SLC22A16: variants seen among roughly 807,000 people sequenced by gnomAD.
The protein encoded by SLC22A16 is WUGSC:RG331P03.1.
Under a neutral mutation model 52.9 loss-of-function variants are expected in SLC22A16, and 53 were observed. That is an observed-to-expected ratio of 1.00 (90% CI 0.80 to 1.26). The LOEUF (loss-of-function observed/expected upper bound fraction) is 1.26. Among genes scored for constraint, SLC22A16 ranks in the 50% most tolerant of loss-of-function variants. The probability of loss-of-function intolerance (pLI) is 0.00; values close to 1 mark genes in which losing one functional copy is unlikely to be tolerated. For missense variants in SLC22A16, 726 were observed against 704.0 expected, an observed-to-expected ratio of 1.03 and a Z score of -0.35; for synonymous variants, 291 against 268.8, an observed-to-expected ratio of 1.08 and a Z score of -0.81.
intron 6 of SLC22A16, among the ~76,000 whole-genome samples, chr6:110,431,995 T>A (rs760470689): frequency 2.6e-5 from 4 of 152,160 alleles, no homozygotes; most frequent in Non-Finnish European, 5.9e-5. Context: ...TATACCTGTG[T>A]ACTGTTCTAT....
At chr6:110,435,263 C>A (rs1025860648) in intron 6 of SLC22A16, among the ~76,000 whole-genome samples, 2 of 152,088 alleles carry the variant, frequency 1.3e-5, no homozygotes, top group African/African-American at 4.8e-5. Flanking sequence ...TAAAATGAGG[C>A]TGTTAGGGTG....
chr6:110,433,386 C>T (rs754054059), intron 6 of SLC22A16, among the ~76,000 whole-genome samples: 1 of 152,232 alleles, frequency 6.6e-6, no homozygotes, highest in Non-Finnish European at 1.5e-5. Context: ...ACAGGGCTGC[C>T]TGCCCTAGCA....
rs1412937668 is a variant in SLC22A16, at chr6:110,442,556, T to A, written c.871A>T (p.Thr291Ser). 1 of 1,614,046 alleles carries A rather than the reference T, an allele frequency of 6.2e-7. No individual in the cohort carries two copies. Among genetic ancestry groups the A allele is most frequent in the Admixed American group, 1.7e-5 (1 of 59,998 alleles). ...CCCTCTGAGAGAAGCCAAAAAGGTG[T>A]CTCTGGGAGCACCCAACAGCACAGG... ...FILCCWVLPE[T>S]PFWLLSEGRY... The change falls in exon 4 of 8, where the codon ACA becomes TCA. Residue 291 changes from threonine (T) to serine (S), a missense_variant. Physicochemically the swap from Thr to Ser is moderately conservative, Grantham distance 58. Transcript: ENST00000368919.
At chr6:110,440,752 G>A (rs1774933434) in intron 4 of SLC22A16, among the ~76,000 whole-genome samples, 1 of 152,122 alleles carries the variant, frequency 6.6e-6, no homozygotes, top group Non-Finnish European at 1.5e-5. Flanking sequence ...ACTCCAACCT[G>A]GGCAACAGAG....
In SLC22A16 at chr6:110,424,936, A is replaced by T. The variant is rs1171798538; in HGVS notation, c.1671T>A (p.Thr557=). 6.2e-7 allele frequency: 1 copy of T among 1,614,086 alleles called. No homozygotes were observed. The highest frequency in any genetic ancestry group is 8.5e-7 in the Non-Finnish European group (1 of 1,180,018). ...ESKSSKLLLT[T]NNSGLEKTEA... ...CCGTTTTTTCCAGCCCACTATTATT[A>T]GTTGTGAGAAGTAATTTGCTTGACT... Residue 557 remains threonine, a synonymous_variant, in exon 8 of 8, where the codon ACT becomes ACA. Coordinates refer to ENST00000368919, the MANE Select transcript of SLC22A16 (RefSeq NM_033125.4).
At chr6:110,450,599 T>A in intron 2 of SLC22A16, among the ~76,000 whole-genome samples, 2 of 110,452 alleles carry the variant, frequency 1.8e-5, no homozygotes, top group Non-Finnish European at 3.3e-5. Context: ...GCAACAGAGC[T>A]AGACATCTTC....
chr6:110,460,712 T>G (rs1361063486), intron 1 of SLC22A16, among the ~76,000 whole-genome samples: 2 of 152,180 alleles, frequency 1.3e-5, no homozygotes, highest in Non-Finnish European at 2.9e-5. Flanking sequence ...GCCACTGCCC[T>G]GCCCAAGCAA....
chr6:110,427,711 G>A (rs3818098), intron 7 of SLC22A16, among the ~76,000 whole-genome samples: 50,949 of 152,064 alleles, frequency 0.34, 8,799 homozygotes, highest in East Asian at 0.41. Flanking sequence ...TATTGGCCAG[G>A]CTGGTCCCAA....
intron 1 of SLC22A16, among the ~76,000 whole-genome samples, chr6:110,468,397 C>A (rs1776144039): frequency 6.6e-6 from 1 of 152,106 alleles, no homozygotes; most frequent in African/African-American, 2.4e-5. Context: ...GTAATCCCAA[C>A]ACTTTGGGAG....
At chr6:110,446,845 A>G (rs1401229584) in intron 3 of SLC22A16, 28 bp downstream of exon 3, 1 of 1,577,454 alleles carries the variant, frequency 6.3e-7, no homozygotes, top group East Asian at 2.2e-5. Flanking sequence ...ACTGCAGCAG[A>G]ATTAAAGAAG....
At chr6:110,446,088 A>G (rs556005791) in intron 3 of SLC22A16, among the ~76,000 whole-genome samples, 2 of 152,292 alleles carry the variant, frequency 1.3e-5, no homozygotes, top group East Asian at 3.9e-4. Context: ...GCTTCTCTCC[A>G]GACCCTCAGA....
Sources: allele counts gnomAD v4.1 joint callset (sites outside exome capture counted in the v4.1 genomes callset), GRCh38; gene constraint gnomAD v4.1.1; transcripts MANE v1.5; gene names NCBI Gene and HGNC (gene_info 2026-07-23, HGNC 2026-07-21).